Variants in CLEC9A observed in about 807,000 individuals in gnomAD.
CLEC9A encodes the protein C-type lectin domain containing 9A, also known as C-type lectin domain family 9 member A.
Under a neutral mutation model 30.0 loss-of-function variants are expected in CLEC9A, and 24 were observed. The observed-to-expected ratio is 0.80, with a 90% CI of 0.58 to 1.13. CLEC9A has a LOEUF of 1.13. Among genes scored for constraint, CLEC9A ranks in the 50% most tolerant of loss-of-function variants. The pLI, the probability that CLEC9A is intolerant of heterozygous loss-of-function variation, is 0.00. For missense variants in CLEC9A, 251 were observed against 280.9 expected (o/e 0.89, Z 0.76); for synonymous variants, 111 against 96.8 (o/e 1.15, Z -0.86).
At chr12:10,042,783 A>G (rs1448333655) in intron 2 of CLEC9A, among the ~76,000 whole-genome samples, 3 of 152,210 alleles carry the variant, frequency 2.0e-5, no homozygotes, top group Non-Finnish European at 4.4e-5. Context: ...TTCTATAGGG[A>G]ACATTTTATA....
At chr12:10,052,821 GT>G (rs375899502) in intron 4 of CLEC9A, 43 bp downstream of exon 4, 55,233 of 1,327,416 alleles carry the variant, frequency 0.042, 15 homozygotes, top group East Asian at 0.053. Context: ...TAGAGTTCAT[GT>G]TTTTTTTTTT....
intron 1 of CLEC9A, among the ~76,000 whole-genome samples, chr12:10,040,496 G>T (rs1591885005): frequency 6.6e-6 from 1 of 151,050 alleles, no homozygotes; most frequent in East Asian, 1.9e-4. Context: ...TGTCGCCCAG[G>T]CTGGAGTGCG....
At chr12:10,033,149 C>G (rs1426664897) in intron 1 of CLEC9A, among the ~76,000 whole-genome samples, 2 of 151,990 alleles carry the variant, frequency 1.3e-5, no homozygotes, top group East Asian at 3.9e-4. Flanking sequence ...ATACAGTGTT[C>G]CCTAGGACAC....
chr12:10,061,149 G>C lies in CLEC9A; in HGVS notation c.195G>C (p.Ala65=), dbSNP rs370038216. 44 of 1,610,448 alleles carry C rather than the reference G, an allele frequency of 2.7e-5. No homozygotes were observed. The South Asian group carries it at 4.7e-4, about 17-fold the overall frequency. ...AAGTGTTGCAGGTGTCCACCATTGC[G>C]ATGCAGCAGCAAGAAAAACTCATCC... The part of the protein sequence containing the change: ...GVKLLQVSTI[A]MQQQEKLIQQ... The change falls in exon 6 of 9, where the codon GCG becomes GCC. Residue 65 remains alanine (A), a synonymous_variant. Coordinates refer to ENST00000355819, the MANE Select transcript of CLEC9A (RefSeq NM_207345.4).
chr12:10,052,454 T>C (rs1470807134), intron 3 of CLEC9A, 176 bp from the exon 4 acceptor site: 2 of 1,192,976 alleles, frequency 1.7e-6, no homozygotes, highest in Non-Finnish European at 2.1e-6. Context: ...CCATTCTAAA[T>C]TCAGTTCTCT....
At chr12:10,047,726 G>A (rs1009349781) in intron 2 of CLEC9A, among the ~76,000 whole-genome samples, 2 of 152,142 alleles carry the variant, frequency 1.3e-5, no homozygotes, top group African/African-American at 4.8e-5. Flanking sequence ...GTCGCCTATT[G>A]AGTACACAAT....
intron 2 of CLEC9A, among the ~76,000 whole-genome samples, chr12:10,048,000 G>A (rs1865860936): frequency 1.3e-5 from 2 of 151,660 alleles, no homozygotes; most frequent in African/African-American, 2.4e-5. Flanking sequence ...TTGGGAGGCC[G>A]AGGCGGGTGG....
chr12:10,046,046 A>G (rs1292102958), intron 2 of CLEC9A, among the ~76,000 whole-genome samples: 2 of 152,254 alleles, frequency 1.3e-5, no homozygotes, highest in East Asian at 1.9e-4. Context: ...AACAAAAAGA[A>G]TACTAAACTT....
intron 2 of CLEC9A, among the ~76,000 whole-genome samples, chr12:10,049,565 C>T (rs756035429): frequency 2.5e-4 from 38 of 152,048 alleles, no homozygotes; most frequent in Non-Finnish European, 4.7e-4. Flanking sequence ...CAGTATTTGC[C>T]GCTTCATCTT....
At position 10,065,874 on chromosome 12, in the gene CLEC9A, G is replaced by A. The variant is rs1053876595; in HGVS notation, c.*242G>A. 6.5e-5 allele frequency: 25 copies of A among 386,612 alleles called. No individual in the cohort carries two copies. The South Asian group carries it at 1.1e-3, about 18-fold the overall frequency. The allele number at this position is 386,612 out of a possible 1,614,324, so 23.9% of individuals were successfully genotyped here. A position where few individuals can be genotyped will look rare whatever the true frequency, so the allele number is the denominator to read the frequency against. ...GCTACAGAAGACAAAACCCTGAAGAGTTAAGAACAAACGCAAGGAAATAAT... is the reference window on the plus strand; with the variant it reads ...GCTACAGAAGACAAAACCCTGAAGAATTAAGAACAAACGCAAGGAAATAAT... On this transcript the variant is annotated 3_prime_UTR_variant, in exon 9 of 9. Coordinates refer to ENST00000355819, the MANE Select transcript of CLEC9A (RefSeq NM_207345.4).
In CLEC9A at chr12:10,064,873, G is replaced by C; in HGVS notation, c.593+20G>C. The stretch of plus-strand genomic sequence containing the variant: ...TGGCCTGTAAGTCTCTGAGTGAAAT[G>C]CTACAAGAAAAGTTAGAAACATGAG... On this transcript the variant is annotated intron_variant, in intron 8 of 8. Coordinates refer to ENST00000355819, the MANE Select transcript of CLEC9A (RefSeq NM_207345.4). 6.3e-7 allele frequency: 1 copy of C among 1,599,036 alleles called. No individual in the cohort carries two copies. The highest frequency in any genetic ancestry group is 8.5e-7 in the Non-Finnish European group (1 of 1,174,662).
chr12:10,044,659 C>T (rs1194322653), intron 2 of CLEC9A, among the ~76,000 whole-genome samples: 2 of 152,168 alleles, frequency 1.3e-5, no homozygotes, highest in Admixed American at 6.5e-5. Context: ...AGTCTAATTA[C>T]CCAAACTAAA....
At chr12:10,065,017 C>A (rs1056279109) in intron 8 of CLEC9A, among the ~76,000 whole-genome samples, 164 bp downstream of exon 8, 11 of 152,156 alleles carry the variant, frequency 7.2e-5, no homozygotes, top group African/African-American at 2.4e-4. Flanking sequence ...TAGCTTCATG[C>A]CTTCTAAGTC....
At position 10,065,516 on chromosome 12, in the gene CLEC9A, T is replaced by C. The variant is rs144687538; in HGVS notation, c.610T>C (p.Ser204Pro). ...CTTTTCCAGGTTGCCAGCAGAGAGATCCCAGTCAGCTAACCAAGTCTGTGG... is the reference window on the plus strand; with the variant it reads ...CTTTTCCAGGTTGCCAGCAGAGAGACCCCAGTCAGCTAACCAAGTCTGTGG... Reference protein sequence around the residue: ...PSPGLLPAERSQSANQVCGYV... With the variant: ...PSPGLLPAERPQSANQVCGYV... Residue 204 changes from serine (S) to proline (P), a missense_variant, in exon 9 of 9, where the codon TCC becomes CCC. Coordinates refer to ENST00000355819, the MANE Select transcript of CLEC9A (RefSeq NM_207345.4). 326 of 1,613,766 alleles carry C rather than the reference T, an allele frequency of 2.0e-4. 3 individuals are homozygous for C. In the African/African-American group the frequency reaches 3.9e-3, roughly 19 times the overall value.
intron 6 of CLEC9A, 43 bp from the exon 7 acceptor site, chr12:10,063,012 T>A (rs1390937893): frequency 8.5e-6 from 13 of 1,531,078 alleles, no homozygotes; most frequent in African/African-American, 1.4e-5. Context: ...ATGTTGTTAA[T>A]ATTTTACAAT....
rs35035367 is a variant in CLEC9A, at chr12:10,048,366, G to GAA, written c.-162-3609_-162-3608dup. Among the ~76,000 whole-genome samples the GAA allele has an allele frequency of 5.5e-4, 71 of 128,628 alleles. 1 individual carries two copies. The East Asian group carries it at 6.9e-3, about 12-fold the overall frequency. The allele number at this position is 128,628 out of a possible 152,430, so 84.4% of individuals were successfully genotyped here. A position where few individuals can be genotyped will look rare whatever the true frequency, so the allele number is the denominator to read the frequency against. The stretch of plus-strand genomic sequence containing the variant: ...CAGCCTGGTGACAGAGTGAGATTCC[G>GAA]AAAAAAAAAAAAAAAAAGACAACAG... On this transcript the variant is annotated intron_variant, in intron 2 of 8. Coordinates refer to ENST00000355819, the MANE Select transcript of CLEC9A (RefSeq NM_207345.4).
At chr12:10,032,272 G>A (rs1003419184) in intron 1 of CLEC9A, among the ~76,000 whole-genome samples, 11 of 151,818 alleles carry the variant, frequency 7.2e-5, no homozygotes, top group African/African-American at 2.2e-4. Context: ...GGGCAAAGAC[G>A]CCACAGCCAC....
At chr12:10,060,958 T>C in intron 5 of CLEC9A, 169 bp from the exon 6 acceptor site, 1 of 717,752 alleles carries the variant, frequency 1.4e-6, no homozygotes, top group South Asian at 2.3e-5. Context: ...TCCACGTCTT[T>C]TGTAGTGTTT....
At chr12:10,045,919 A>T (rs1458451190) in intron 2 of CLEC9A, among the ~76,000 whole-genome samples, 1 of 152,234 alleles carries the variant, frequency 6.6e-6, no homozygotes, top group Non-Finnish European at 1.5e-5. Flanking sequence ...GCATCTTCAT[A>T]TATACACATA....
Sources: allele counts gnomAD v4.1 joint callset (sites outside exome capture counted in the v4.1 genomes callset), GRCh38; gene constraint gnomAD v4.1.1; transcripts MANE v1.5; gene names NCBI Gene and HGNC (gene_info 2026-07-23, HGNC 2026-07-21).